Variants in EPHA6 observed in about 807,000 individuals in gnomAD.
EPHA6 encodes ephrin type-A receptor 6.
In EPHA6, 50 loss-of-function variants were observed where a neutral mutation model predicts 112.0. That is an observed-to-expected ratio of 0.45 (90% confidence interval 0.36 to 0.56). The LOEUF is 0.56. EPHA6 is among the 20% of genes least tolerant of loss of function. The pLI, the probability that EPHA6 is intolerant of heterozygous loss-of-function variation, is 0.00. For synonymous variants in EPHA6, 529 were observed against 490.7 expected (o/e 1.08, Z -1.03); for missense variants, 1,280 against 1,417.4 (o/e 0.90, Z 1.56).
rs962046935 is a variant in EPHA6 at position 97,003,996 on chromosome 3, T to G, written c.1114+16003T>G. ...CTCATTCCTTTTTATGGCTGCATAG[T>G]ATTCCATGGTGTATATAGATACCAC... On this transcript the variant is annotated intron_variant, in intron 3 of 17. Coordinates refer to ENST00000389672, the MANE Select transcript of EPHA6 (RefSeq NM_001080448.3). Among the ~76,000 whole-genome samples the G allele has an allele frequency of 3.3e-5, 5 of 152,316 alleles. No individual in the cohort carries two copies. In the East Asian group the frequency reaches 9.7e-4, roughly 29 times the overall value.
chr3:97,545,731 TTA>T (rs1467794083), intron 11 of EPHA6, among the ~76,000 whole-genome samples: 1 of 152,220 alleles, frequency 6.6e-6, no homozygotes, highest in African/African-American at 2.4e-5. Flanking sequence ...GGGACTTGCT[TTA>T]TGAATCTGGG....
chr3:97,492,434 C>G (rs1015597477), intron 10 of EPHA6, among the ~76,000 whole-genome samples: 2 of 150,760 alleles, frequency 1.3e-5, no homozygotes, highest in African/African-American at 2.4e-5. Context: ...CCCAACTACT[C>G]AGAAGGCTGA....
At chr3:97,617,230 G>A (rs749684832) in intron 13 of EPHA6, among the ~76,000 whole-genome samples, 9 of 152,072 alleles carry the variant, frequency 5.9e-5, no homozygotes, top group Non-Finnish European at 1.2e-4. Context: ...TAAATGCTGA[G>A]GGAATTCATC....
chr3:97,050,141 G>A (rs1019709545), intron 3 of EPHA6, among the ~76,000 whole-genome samples: 2 of 152,148 alleles, frequency 1.3e-5, no homozygotes, highest in Admixed American at 6.6e-5. Context: ...AGACCAACGT[G>A]ATGTGGTATT....
At chr3:97,278,470 G>A (rs1368266685) in intron 5 of EPHA6, among the ~76,000 whole-genome samples, 1 of 152,162 alleles carries the variant, frequency 6.6e-6, no homozygotes, top group Non-Finnish European at 1.5e-5. Flanking sequence ...ATAAGCCTTT[G>A]CGTTTTCATC....
chr3:97,006,677 A>T (rs185043083), intron 3 of EPHA6, among the ~76,000 whole-genome samples: 2 of 151,992 alleles, frequency 1.3e-5, no homozygotes, highest in Admixed American at 1.3e-4. Context: ...TTGCCTCTCT[A>T]GCTCTTTTAA....
intron 2 of EPHA6, among the ~76,000 whole-genome samples, chr3:96,943,158 C>T (rs147154499): frequency 6.6e-6 from 1 of 152,186 alleles, no homozygotes; most frequent in African/African-American, 2.4e-5. Context: ...CAGCAAATGA[C>T]AGGATTTCAT....
intron 3 of EPHA6, among the ~76,000 whole-genome samples, chr3:97,219,646 T>C (rs1326114336): frequency 6.6e-6 from 1 of 152,166 alleles, no homozygotes; most frequent in African/African-American, 2.4e-5. Flanking sequence ...GAAACCTTTT[T>C]TCCCTCCTAG....
intron 3 of EPHA6, among the ~76,000 whole-genome samples, chr3:97,100,263 A>G (rs1192021596): frequency 1.3e-5 from 2 of 149,700 alleles, no homozygotes; most frequent in African/African-American, 4.9e-5. Context: ...TTTTATATAT[A>G]TATAGATATA....
chr3:97,563,013 T>C (rs1030478921), intron 11 of EPHA6, among the ~76,000 whole-genome samples: 5 of 152,150 alleles, frequency 3.3e-5, no homozygotes, highest in African/African-American at 1.2e-4. Context: ...TAAACTACAG[T>C]ATATTGCAAG....
intron 2 of EPHA6, among the ~76,000 whole-genome samples, chr3:96,952,753 T>G (rs974050213): frequency 1.3e-5 from 2 of 152,158 alleles, no homozygotes; most frequent in Admixed American, 6.5e-5. Context: ...GATAGTTTCT[T>G]TTGACGGGAA....
At chr3:97,528,606 T>C (rs2092656257) in intron 10 of EPHA6, among the ~76,000 whole-genome samples, 1 of 152,138 alleles carries the variant, frequency 6.6e-6, no homozygotes, top group South Asian at 2.1e-4. Flanking sequence ...GGGTTGGATA[T>C]GGAGGAAGTA....
intron 5 of EPHA6, among the ~76,000 whole-genome samples, chr3:97,336,659 G>A (rs568194627): frequency 6.6e-6 from 1 of 152,200 alleles, no homozygotes; most frequent in Non-Finnish European, 1.5e-5. Context: ...GTTCTGAAGT[G>A]CTTACGAAAG....
At chr3:97,258,217 ATAAAT>A (rs2079379191) in intron 5 of EPHA6, among the ~76,000 whole-genome samples, 1 of 151,852 alleles carries the variant, frequency 6.6e-6, no homozygotes, top group African/African-American at 2.4e-5. Flanking sequence ...TGCTAAATAA[ATAAAT>A]TAGGTGATTG....
chr3:97,392,023 C>T (rs1197173353), intron 5 of EPHA6, among the ~76,000 whole-genome samples: 1 of 151,764 alleles, frequency 6.6e-6, no homozygotes, highest in Non-Finnish European at 1.5e-5. Flanking sequence ...TTAAGACACT[C>T]TTGAAGCCAA....
rs537984062 is a variant in EPHA6, at chr3:97,575,705, G to A, written c.2387-16907G>A. Among the ~76,000 whole-genome samples the A allele has an allele frequency of 8.7e-4, 132 of 152,298 alleles. 1 individual carries two copies. The highest frequency in any genetic ancestry group is 2.5e-3 in the African/African-American group (106 of 41,570). On this transcript the variant is annotated intron_variant, in intron 11 of 17. Transcript: ENST00000389672. ...GTGGGGAGCCTTTGAAAGGTTTTAA[G>A]CAGGGAAATCACATAGGCACATTCG...
chr3:97,449,262 A>G (rs1429181308), intron 7 of EPHA6, among the ~76,000 whole-genome samples: 1 of 152,124 alleles, frequency 6.6e-6, no homozygotes, highest in East Asian at 1.9e-4. Flanking sequence ...AGATATTCCA[A>G]TGTCATGTAA....
intron 5 of EPHA6, among the ~76,000 whole-genome samples, chr3:97,311,473 C>T (rs1397346722): frequency 6.7e-6 from 1 of 150,266 alleles, no homozygotes; most frequent in Non-Finnish European, 1.5e-5. Flanking sequence ...CACACACACA[C>T]ACGTTTGCTC....
chr3:97,338,387 C>T (rs762348169), intron 5 of EPHA6, among the ~76,000 whole-genome samples: 2 of 152,040 alleles, frequency 1.3e-5, no homozygotes, highest in Non-Finnish European at 2.9e-5. Context: ...GCATCCTTAA[C>T]CCTAACTCTC....
Sources: allele counts gnomAD v4.1 joint callset (sites outside exome capture counted in the v4.1 genomes callset), GRCh38; gene constraint gnomAD v4.1.1; transcripts MANE v1.5; gene names NCBI Gene and HGNC (gene_info 2026-07-23, HGNC 2026-07-21).